The following SLC2A5 variants were observed in gnomAD, a reference collection of about 807,000 sequenced individuals.
SLC2A5 encodes the protein solute carrier family 2 member 5.
A neutral mutation model predicts 50.3 loss-of-function variants in SLC2A5; 56 were observed. That is an observed-to-expected ratio of 1.11 (90% CI 0.90 to 1.39). The LOEUF is 1.39. Ranked by LOEUF, SLC2A5 falls within the 40% of genes most tolerant of loss-of-function variation. The pLI, the probability that SLC2A5 is intolerant of heterozygous loss-of-function variation, is 0.00. For synonymous variants in SLC2A5, 269 were observed against 281.9 expected (o/e 0.95, Z 0.46); for missense variants, 566 against 650.1 (o/e 0.87, Z 1.41).
intron 2 of SLC2A5, among the ~76,000 whole-genome samples, chr1:9,079,771 G>A (rs1265831518): frequency 6.6e-6 from 1 of 152,210 alleles, no homozygotes; most frequent in Non-Finnish European, 1.5e-5. Flanking sequence ...ACAGGCGTGA[G>A]CCACCACGCC....
upstream of SLC2A5, among the ~76,000 whole-genome samples, chr1:9,070,234 C>T (rs1642187249): frequency 6.6e-6 from 1 of 151,740 alleles, no homozygotes; most frequent in Non-Finnish European, 1.5e-5. Flanking sequence ...GCGTGCACTA[C>T]CACGCTCGGC....
At chr1:9,088,368 T>C (rs1167406137) in intron 1 of SLC2A5, 2 of 152,224 alleles carry the variant, frequency 1.3e-5, no homozygotes, top group African/African-American at 2.4e-5. Flanking sequence ...TCTCCACCTA[T>C]TACCTGTTTG....
chr1:9,041,966 C>G (rs1266735206), intron 4 of SLC2A5, 29 bp from the exon 5 acceptor site: 3 of 1,548,522 alleles, frequency 1.9e-6, no homozygotes, highest in Non-Finnish European at 2.6e-6. Flanking sequence ...GAAACACCAT[C>G]AGAAAAAATT....
upstream of SLC2A5, among the ~76,000 whole-genome samples, chr1:9,093,454 G>T (rs539875235): frequency 6.6e-6 from 1 of 152,082 alleles, no homozygotes; most frequent in South Asian, 2.1e-4. Flanking sequence ...CACATAAGCC[G>T]CTTATGTCTC....
chr1:9,054,067 C>G (rs183121635), intron 3 of SLC2A5, among the ~76,000 whole-genome samples: 1 of 151,960 alleles, frequency 6.6e-6, no homozygotes, highest in Admixed American at 6.6e-5. Context: ...GAAGGTAGAC[C>G]TGCAGAAATT....
At chr1:9,064,013 A>G (rs1642019760) in intron 1 of SLC2A5, among the ~76,000 whole-genome samples, 1 of 151,756 alleles carries the variant, frequency 6.6e-6, no homozygotes, top group Non-Finnish European at 1.5e-5. Context: ...TTTTTTATAG[A>G]GACAGGGTCT....
At chr1:9,073,293 G>C (rs1156776921), upstream of SLC2A5, among the ~76,000 whole-genome samples, 1 of 152,236 alleles carries the variant, frequency 6.6e-6, no homozygotes, top group Non-Finnish European at 1.5e-5. Flanking sequence ...AACAAGACCT[G>C]CGGCTGCCCA....
the SLC2A5 span, among the ~76,000 whole-genome samples, chr1:9,094,190 GCGAA>G: frequency 6.6e-6 from 1 of 152,196 alleles, no homozygotes; most frequent in African/African-American, 2.4e-5. Context: ...ATTGCCTGAA[GCGAA>G]CGGAGCATTC....
At chr1:9,077,880 T>C (rs34626390) in intron 2 of SLC2A5, among the ~76,000 whole-genome samples, 43,103 of 151,222 alleles carry the variant, frequency 0.29, 6,930 homozygotes, top group East Asian at 0.49. Flanking sequence ...TCTTGGACTT[T>C]GTGTGAGAAA....
upstream of SLC2A5, among the ~76,000 whole-genome samples, chr1:9,074,087 T>TAA (rs147453247): frequency 1.5e-4 from 22 of 144,532 alleles, no homozygotes; most frequent in East Asian, 8.0e-4. Context: ...CTCCAAAAAT[T>TAA]AAAAAAAAAA....
At chr1:9,046,467 G>A (rs983653555) in intron 4 of SLC2A5, among the ~76,000 whole-genome samples, 8 of 152,160 alleles carry the variant, frequency 5.3e-5, no homozygotes, top group Admixed American at 2.0e-4. Flanking sequence ...GTCAGCACCC[G>A]CTCAGCAGGT....
chr1:9,093,880 A>G, the SLC2A5 span, among the ~76,000 whole-genome samples: 1 of 152,342 alleles, frequency 6.6e-6, no homozygotes, highest in African/African-American at 2.4e-5. Flanking sequence ...AACTCCAAAA[A>G]GGAGCTTCGT....
intron 4 of SLC2A5, among the ~76,000 whole-genome samples, chr1:9,046,698 GTGTA>G (rs1255370739): frequency 6.7e-6 from 1 of 150,206 alleles, no homozygotes; most frequent in Admixed American, 6.7e-5. Context: ...GTGTGTGTGT[GTGTA>G]TGTGAAACAA....
chr1:9,040,101 C>G lies in SLC2A5; in HGVS notation c.660G>C (p.Leu220=), dbSNP rs1406759722. 6.3e-7 allele frequency: 1 copy of G among 1,598,230 alleles called. No individual in the cohort carries two copies. Among genetic ancestry groups the G allele is most frequent in the Non-Finnish European group, 8.5e-7 (1 of 1,172,454 alleles). The change falls in exon 6 of 12, where the codon CTG becomes CTC. Residue 220 remains leucine (L), a synonymous_variant. Transcript: ENST00000377424. The surrounding 1 kb of genome is among the most constrained non-coding windows in gnomAD (Gnocchi z 4.3). ...LPFFPESPRY[L]LIQKKDEAAA... ...CCGCTTCGTCTTTCTTCTGAATCAG[C>G]AGGTACCTGGGGCTCTCGGGGAAGA...
intron 1 of SLC2A5, among the ~76,000 whole-genome samples, chr1:9,064,605 C>T (rs1642033828): frequency 6.6e-6 from 1 of 152,136 alleles, no homozygotes; most frequent in Non-Finnish European, 1.5e-5. Context: ...ACCGGGCCAG[C>T]AAAGCACTGA....
At chr1:9,089,602 A>G (rs1436416618), upstream of SLC2A5, among the ~76,000 whole-genome samples, 1 of 152,208 alleles carries the variant, frequency 6.6e-6, no homozygotes, top group African/African-American at 2.4e-5. Context: ...CAATTACACA[A>G]AAGTCTCCCA....
intron 2 of SLC2A5, among the ~76,000 whole-genome samples, chr1:9,074,707 C>T (rs1642261083): frequency 6.6e-6 from 1 of 152,062 alleles, no homozygotes; most frequent in South Asian, 2.1e-4. Context: ...AAAGAGAAAA[C>T]GCTGAAAATT....
At chr1:9,078,178 T>C (rs1642313782) in intron 2 of SLC2A5, among the ~76,000 whole-genome samples, 1 of 152,182 alleles carries the variant, frequency 6.6e-6, no homozygotes, top group African/African-American at 2.4e-5. Flanking sequence ...CTGGTGGGAA[T>C]GTCTCTTAGC....
intron 5 of SLC2A5, 200 bp downstream of exon 5, chr1:9,041,585 T>G: frequency 4.2e-6 from 6 of 1,432,668 alleles, no homozygotes; most frequent in Non-Finnish European, 5.5e-6. Flanking sequence ...TAGTAAACGC[T>G]GGCCAGTCCC....
Sources: allele counts gnomAD v4.1 joint callset (sites outside exome capture counted in the v4.1 genomes callset), GRCh38; gene constraint gnomAD v4.1.1; non-coding constraint Gnocchi (gnomAD v3.1); transcripts MANE v1.5; gene names NCBI Gene and HGNC (gene_info 2026-07-23, HGNC 2026-07-21).